Variants in C1QL3 observed in about 807,000 individuals in gnomAD.
C1QL3 encodes the protein complement C1q like 3, also known as complement C1q-like protein 3.
Under a neutral mutation model 16.6 loss-of-function variants are expected in C1QL3, and 4 were observed. That is an observed-to-expected ratio of 0.24 (90% CI 0.12 to 0.55). The LOEUF (loss-of-function observed/expected upper bound fraction) is 0.55, where lower values mean the gene tolerates loss of function less well. C1QL3 is among the 20% of genes least tolerant of loss of function. C1QL3 has a pLI of 0.94. For missense variants in C1QL3, 269 were observed against 365.6 expected (o/e 0.74, Z 2.16); for synonymous variants, 189 against 160.2 (o/e 1.18, Z -1.36).
In C1QL3 at chr10:16,521,015, G is replaced by T; in HGVS notation, c.51C>A (p.Gly17=). ...ILIPVLVSSA[G]TSAHYEMLGT... Reference sequence around the variant, plus strand: ...CCAGCATCTCGTAGTGCGCCGACGTGCCGGCCGAGCTCACCAGCACCGGGA... The same window carrying T: ...CCAGCATCTCGTAGTGCGCCGACGTTCCGGCCGAGCTCACCAGCACCGGGA... Residue 17 remains glycine, a synonymous_variant, in exon 1 of 2, where the codon GGC becomes GGA. Transcript: ENST00000298943. 1 of 1,599,644 alleles carries T rather than the reference G, an allele frequency of 6.3e-7. No homozygotes were observed.
intron 1 of C1QL3, among the ~76,000 whole-genome samples, chr10:16,518,684 G>A (rs1836989637): frequency 6.6e-6 from 1 of 152,056 alleles, no homozygotes; most frequent in Non-Finnish European, 1.5e-5. Flanking sequence ...ATTTAAAGAT[G>A]TGAGCATTTT....
In C1QL3 at chr10:16,513,919, T is replaced by A. The variant is rs1836906884; in HGVS notation, c.*609A>T. ...AAATTCATATAAGAAAAAGAAAATG[T>A]GAAAAAGATCATAGGCTTGGGAATT... is the stretch of plus-strand genomic sequence containing the variant. On this transcript the variant is annotated 3_prime_UTR_variant, in exon 2 of 2. Transcript: ENST00000298943. The A allele has an allele frequency of 5.9e-6, 1 of 168,904 alleles. No individual in the cohort carries two copies. Among genetic ancestry groups the A allele is most frequent in the African/African-American group, 2.4e-5 (1 of 42,220 alleles). The allele number at this position is 168,904 out of a possible 1,614,324, so 10.5% of individuals were successfully genotyped here.
chr10:16,519,915 C>G (rs1461668366), intron 1 of C1QL3, among the ~76,000 whole-genome samples: 1 of 152,148 alleles, frequency 6.6e-6, no homozygotes, highest in Non-Finnish European at 1.5e-5. Flanking sequence ...GTTTCACGGC[C>G]TGGGACACCG....
At chr10:16,519,334 T>C (rs1837002349) in intron 1 of C1QL3, among the ~76,000 whole-genome samples, 3 of 151,552 alleles carry the variant, frequency 2.0e-5, no homozygotes, top group Non-Finnish European at 4.4e-5. Flanking sequence ...GGAGGTCTCT[T>C]GATGGCGATG....
intron 1 of C1QL3, among the ~76,000 whole-genome samples, chr10:16,519,140 C>CTTTTTTTTTTTTTTTTTTT (rs567187339): frequency 0.013 from 501 of 39,226 alleles, 61 homozygotes; most frequent in East Asian, 0.017. Context: ...GCATTTAGGA[C>CTTTTTTTTTTTTTTTTTTT]TTTTTTTTTT....
chr10:16,521,316 G>C lies in C1QL3; in HGVS notation c.-251C>G. 1 of 427,448 alleles carries C rather than the reference G, an allele frequency of 2.3e-6. No individual in the cohort carries two copies. 26.5% of individuals were successfully genotyped at this position (427,448 alleles called of 1,614,324 possible). On this transcript the variant is annotated 5_prime_UTR_variant, in exon 1 of 2. Coordinates refer to ENST00000298943, the MANE Select transcript of C1QL3 (RefSeq NM_001010908.2). ...GGAGCGCGGGCGCCCAGTGACTTGA[G>C]CCGAAGTCCCGAGCCCGGGGTGGGG...
intron 1 of C1QL3, among the ~76,000 whole-genome samples, chr10:16,519,726 G>A (rs1234446956): frequency 2.0e-5 from 3 of 152,028 alleles, no homozygotes; most frequent in Non-Finnish European, 4.4e-5. Context: ...ACCTGCCTGA[G>A]CGTCCTCCGA....
chr10:16,517,776 A>G (rs1401413582), intron 1 of C1QL3, among the ~76,000 whole-genome samples: 1 of 152,196 alleles, frequency 6.6e-6, no homozygotes, highest in Non-Finnish European at 1.5e-5. Flanking sequence ...GATCATATTT[A>G]TGGTGACATT....
chr10:16,518,115 G>C (rs144376383), intron 1 of C1QL3, among the ~76,000 whole-genome samples: 1 of 152,168 alleles, frequency 6.6e-6, no homozygotes, highest in Non-Finnish European at 1.5e-5. Context: ...GAGGGAACCT[G>C]CCATTCTAAG....
At chr10:16,516,176 A>G (rs1181414559) in intron 1 of C1QL3, among the ~76,000 whole-genome samples, 1 of 152,194 alleles carries the variant, frequency 6.6e-6, no homozygotes, top group African/African-American at 2.4e-5. Context: ...TTAACGCTGT[A>G]CTAACAGGCA....
intron 1 of C1QL3, among the ~76,000 whole-genome samples, chr10:16,518,896 G>A (rs1836992246): frequency 6.6e-6 from 1 of 151,974 alleles, no homozygotes; most frequent in African/African-American, 2.4e-5. Flanking sequence ...CTCCATTCTG[G>A]TACAGTGAGT....
chr10:16,517,569 A>G (rs1011684189), intron 1 of C1QL3, among the ~76,000 whole-genome samples: 2 of 152,214 alleles, frequency 1.3e-5, no homozygotes, highest in Non-Finnish European at 2.9e-5. Context: ...TCCTCTTTCC[A>G]AATGTAAAGC....
intron 1 of C1QL3, among the ~76,000 whole-genome samples, chr10:16,519,331 T>G (rs574357468): frequency 7.9e-5 from 12 of 151,590 alleles, no homozygotes; most frequent in African/African-American, 2.9e-4. Flanking sequence ...AGAGGAGGTC[T>G]CTTGATGGCG....
intron 1 of C1QL3, among the ~76,000 whole-genome samples, chr10:16,516,792 G>C (rs1312601094): frequency 6.6e-6 from 1 of 152,200 alleles, no homozygotes; most frequent in East Asian, 1.9e-4. Flanking sequence ...GAATGCATTA[G>C]AGTGATTCCA....
At chr10:16,517,928 C>T (rs779943857) in intron 1 of C1QL3, among the ~76,000 whole-genome samples, 3 of 152,154 alleles carry the variant, frequency 2.0e-5, no homozygotes, top group Admixed American at 2.0e-4. Flanking sequence ...ACATTCTACA[C>T]AAAGTATAAA....
In C1QL3 at chr10:16,521,559, C is replaced by T. The variant is rs1449752440; in HGVS notation, c.-494G>A. On this transcript the variant is annotated 5_prime_UTR_variant, in exon 1 of 2. Transcript: ENST00000298943. Reference sequence around the variant, plus strand: ...GCACCAACTTTCCGTCTGAAGTTGCCTTTTTCTGCCTCCTCCTCCTCTTCT... The same window carrying T: ...GCACCAACTTTCCGTCTGAAGTTGCTTTTTTCTGCCTCCTCCTCCTCTTCT... 1 of 153,124 alleles carries T rather than the reference C, an allele frequency of 6.5e-6. No individual in the cohort carries two copies. Among genetic ancestry groups the T allele is most frequent in the African/African-American group, 2.4e-5 (1 of 41,406 alleles). The allele number at this position is 153,124 out of a possible 1,614,324, so 9.5% of individuals were successfully genotyped here. A position where few individuals can be genotyped will look rare whatever the true frequency, so the allele number is the denominator to read the frequency against.
chr10:16,517,260 C>T (rs1389257201), intron 1 of C1QL3, among the ~76,000 whole-genome samples: 1 of 152,006 alleles, frequency 6.6e-6, no homozygotes, highest in Non-Finnish European at 1.5e-5. Context: ...ATGTTTAGTC[C>T]GTATTTCTTT....
chr10:16,517,759 C>T (rs1051370494), intron 1 of C1QL3, among the ~76,000 whole-genome samples: 11 of 152,154 alleles, frequency 7.2e-5, no homozygotes, highest in Admixed American at 6.5e-4. Context: ...GAGGATCTAT[C>T]ATTAGAGATC....
rs1588640394 is a variant in C1QL3, at chr10:16,515,868, A to G, written c.589-1161T>C. ...AGCAAGTGATTTAGTGGTTTTGTAA[A>G]CCTGCACTATGTAATAATGCATGAT... On this transcript the variant is annotated intron_variant, in intron 1 of 1. Coordinates refer to ENST00000298943, the MANE Select transcript of C1QL3 (RefSeq NM_001010908.2). 1.3e-5 allele frequency among the ~76,000 whole-genome samples: 2 copies of G among 152,234 alleles called. 1 individual carries two copies. Among genetic ancestry groups the G allele is most frequent in the East Asian group, 3.9e-4 (2 of 5,190 alleles).
Sources: allele counts gnomAD v4.1 joint callset (sites outside exome capture counted in the v4.1 genomes callset), GRCh38; gene constraint gnomAD v4.1.1; transcripts MANE v1.5; gene names NCBI Gene and HGNC (gene_info 2026-07-23, HGNC 2026-07-21).